Variants in HDAC9 observed in about 807,000 individuals in gnomAD.
HDAC9 encodes MEF-2 interacting transcription repressor (MITR) protein.
A neutral mutation model predicts 139.4 loss-of-function variants in HDAC9; 41 were observed. That is an observed-to-expected ratio of 0.29 (90% CI 0.23 to 0.38). The LOEUF is 0.38. HDAC9 is among the 10% of genes least tolerant of loss of function. The pLI is 1.00. For missense variants in HDAC9, 1,147 were observed against 1,297.0 expected, an observed-to-expected ratio of 0.88 and a Z score of 1.78; for synonymous variants, 517 against 476.2, an observed-to-expected ratio of 1.09 and a Z score of -1.12.
chr7:18,585,128 T>C, intron 2 of HDAC9, 153 bp from the exon 3 acceptor site: 1 of 844,934 alleles, frequency 1.2e-6, no homozygotes, highest in South Asian at 1.7e-5. Context: ...CAAATGACTT[T>C]ATATCATCAT....
At chr7:18,761,362 A>G (rs1340788839) in intron 14 of HDAC9, among the ~76,000 whole-genome samples, 2 of 152,232 alleles carry the variant, frequency 1.3e-5, no homozygotes, top group African/African-American at 4.8e-5. Context: ...GATGGAGTCT[A>G]GAGTGTCTCA....
At chr7:18,795,189 G>T (rs1792674960) in intron 17 of HDAC9, among the ~76,000 whole-genome samples, 1 of 144,410 alleles carries the variant, frequency 6.9e-6, no homozygotes, top group Non-Finnish European at 1.5e-5. Flanking sequence ...AACAACGATT[G>T]GTACAAATTT....
chr7:18,780,948 G>C (rs1048440099), intron 16 of HDAC9, among the ~76,000 whole-genome samples: 2 of 151,966 alleles, frequency 1.3e-5, no homozygotes, highest in African/African-American at 4.8e-5. Flanking sequence ...CAATACCACA[G>C]ATTGGGTGGC....
chr7:18,121,193 G>A (rs1013392026), intron 1 of HDAC9, among the ~76,000 whole-genome samples: 5 of 152,200 alleles, frequency 3.3e-5, no homozygotes, highest in African/African-American at 1.2e-4. Flanking sequence ...TGAGTGGGAA[G>A]TGTGGTTTAA....
rs572798752 is a variant in HDAC9, at chr7:18,599,972, A to C, written c.664+5943A>C. Among the ~76,000 whole-genome samples the C allele has an allele frequency of 1.8e-3, 78 of 44,508 alleles. No homozygotes were observed. The South Asian group carries it at 0.11, about 62-fold the overall frequency. The allele number at this position is 44,508 out of a possible 152,430, so 29.2% of individuals were successfully genotyped here. On this transcript the variant is annotated intron_variant, in intron 6 of 25. Transcript: ENST00000686413. ...CATACTTGTTAGCACTTTGTATTTT[A>C]AGTTTTTTTTTTTTAATTTTAGCCA...
chr7:18,755,189 G>T (rs1196422405), intron 14 of HDAC9, among the ~76,000 whole-genome samples: 2 of 152,120 alleles, frequency 1.3e-5, no homozygotes, highest in South Asian at 4.1e-4. Flanking sequence ...AGGCTACATT[G>T]TCATTGTTCT....
chr7:18,644,075 G>T (rs1435793784), intron 8 of HDAC9, among the ~76,000 whole-genome samples: 1 of 152,016 alleles, frequency 6.6e-6, no homozygotes, highest in East Asian at 1.9e-4. Context: ...GCCTACTGTG[G>T]CATAGGACTC....
At chr7:18,802,842 T>C (rs1034866792) in intron 17 of HDAC9, among the ~76,000 whole-genome samples, 5 of 151,784 alleles carry the variant, frequency 3.3e-5, no homozygotes, top group African/African-American at 1.2e-4. Flanking sequence ...TCCTGGCTTA[T>C]CATTTACCAT....
At chr7:18,217,614 G>T (rs1562759637) in intron 2 of HDAC9, among the ~76,000 whole-genome samples, 1 of 152,100 alleles carries the variant, frequency 6.6e-6, no homozygotes, top group Non-Finnish European at 1.5e-5. Flanking sequence ...ATCCATGTGA[G>T]AATCCTTCGG....
intron 1 of HDAC9, among the ~76,000 whole-genome samples, chr7:18,154,055 T>C (rs1786987962): frequency 6.6e-6 from 1 of 152,312 alleles, no homozygotes; most frequent in African/African-American, 2.4e-5. Context: ...TTAAAACATA[T>C]TCAAGTTCTG....
chr7:18,793,044 T>C (rs1792468310), intron 16 of HDAC9: 2 of 340,560 alleles, frequency 5.9e-6, no homozygotes, highest in East Asian at 1.2e-4. Context: ...TAATGCTGTT[T>C]GTAATGAGAA....
intron 22 of HDAC9, among the ~76,000 whole-genome samples, chr7:18,888,391 C>T (rs1216309136): frequency 2.0e-5 from 3 of 152,138 alleles, no homozygotes; most frequent in Non-Finnish European, 2.9e-5. Flanking sequence ...TGTCACTGCA[C>T]TCCAGCCTGG....
intron 2 of HDAC9, among the ~76,000 whole-genome samples, chr7:18,185,374 T>A (rs1212427612): frequency 1.3e-5 from 2 of 152,212 alleles, no homozygotes; most frequent in Admixed American, 1.3e-4. Flanking sequence ...GTAATTATAA[T>A]GTGCAACTAA....
upstream of HDAC9, among the ~76,000 whole-genome samples, chr7:18,287,648 A>G (rs1368219527): frequency 6.6e-6 from 1 of 152,232 alleles, no homozygotes; most frequent in Admixed American, 6.5e-5. Context: ...AGCCAGCCAG[A>G]GCATGCACTC....
At chr7:18,841,440 T>C (rs2129215455) in intron 21 of HDAC9, among the ~76,000 whole-genome samples, 1 of 152,262 alleles carries the variant, frequency 6.6e-6, no homozygotes, top group East Asian at 1.9e-4. Flanking sequence ...GCTTTAATTT[T>C]TGCTAGTTGT....
In HDAC9 at chr7:18,990,944, T is replaced by A. The variant is rs563256712; in HGVS notation, c.3171-5079T>A. On this transcript the variant is annotated intron_variant, in intron 25 of 25. Transcript: ENST00000686413. ...CACCCACTGACCTGCGCCCACTGTCTGGCACTCCCTAGTGAGATGAACCCG... is the reference window on the plus strand; with the variant it reads ...CACCCACTGACCTGCGCCCACTGTCAGGCACTCCCTAGTGAGATGAACCCG... Among the ~76,000 whole-genome samples the A allele has an allele frequency of 1.1e-3, 174 of 152,352 alleles. 2 individuals carry two copies. Among genetic ancestry groups the A allele is most frequent in the African/African-American group, 4.1e-3 (170 of 41,588 alleles).
intron 13 of HDAC9, among the ~76,000 whole-genome samples, chr7:18,731,469 C>A (rs982108437): frequency 2.6e-5 from 4 of 152,192 alleles, no homozygotes; most frequent in Admixed American, 2.6e-4. Flanking sequence ...GCATCCTCCA[C>A]AGCCCACTGG....
rs78636754 is a variant in HDAC9 at position 18,144,272 on chromosome 7, G to A, written c.-96-17957G>A. On this transcript the variant is annotated intron_variant, in intron 1 of 12. Coordinates refer to the HDAC9 transcript ENST00000417496. The stretch of plus-strand genomic sequence containing the variant: ...CACTTTGAGGTATTTTCTTCCCACA[G>A]TTCATGGAAAGTGAAGGCTTCTGAA... Among the ~76,000 whole-genome samples, 361 of 152,276 alleles carry A rather than the reference G, an allele frequency of 2.4e-3. 1 individual carries two copies. Among genetic ancestry groups the A allele is most frequent in the Admixed American group, 4.1e-3 (63 of 15,292 alleles).
At chr7:18,872,633 C>T (rs186683606) in intron 21 of HDAC9, among the ~76,000 whole-genome samples, 172 of 152,248 alleles carry the variant, frequency 1.1e-3, no homozygotes, top group African/African-American at 3.6e-3. Flanking sequence ...TCTGTAGGCA[C>T]TTATACTCTG....
Sources: allele counts gnomAD v4.1 joint callset (sites outside exome capture counted in the v4.1 genomes callset), GRCh38; gene constraint gnomAD v4.1.1; transcripts MANE v1.5; gene names NCBI Gene and HGNC (gene_info 2026-07-23, HGNC 2026-07-21).